Variants in CUEDC2 observed in about 807,000 individuals in gnomAD.
The protein encoded by CUEDC2 is CUE domain containing 2, also known as CUE domain-containing protein 2.
A neutral mutation model predicts 36.0 loss-of-function variants in CUEDC2; 10 were observed. The observed-to-expected ratio is 0.28, with a 90% CI of 0.17 to 0.47. The LOEUF is 0.47. Ranked by LOEUF, CUEDC2 falls within the 20% of genes least tolerant of loss-of-function variation. CUEDC2 has a pLI of 0.99. For missense variants in CUEDC2, 269 were observed against 368.1 expected (o/e 0.73, Z 2.20); for synonymous variants, 133 against 141.8 (o/e 0.94, Z 0.44).
Position 102,424,104 on chromosome 10 carries a change from C to G in CUEDC2, c.486G>C (p.Glu162Asp). ...LLEVFPTCSV[E>D]QAQWVLAKAR... is the part of the protein sequence containing the mutation. The stretch of plus-strand genomic sequence containing the variant: ...CTTTGGCCAGCACCCACTGGGCCTG[C>G]TCCACCGAACAGGTAGGGAACACCT... Residue 162 changes from glutamate (E) to aspartate (D), a missense_variant, in exon 6 of 9, where the codon GAG becomes GAC. Physicochemically the swap from Glu to Asp is conservative, Grantham distance 45 (BLOSUM62 2). Coordinates refer to ENST00000369937, the MANE Select transcript of CUEDC2 (RefSeq NM_024040.3). This position sits in a 1 kb window ranked among gnomAD's most constrained non-coding sequence, Gnocchi z 4.2. The G allele has an allele frequency of 1.2e-6, 2 of 1,614,156 alleles. No individual in the cohort carries two copies. The highest frequency in any genetic ancestry group is 8.5e-7 in the Non-Finnish European group (1 of 1,180,012).
chr10:102,425,852 C>A (rs759620867), intron 1 of CUEDC2, among the ~76,000 whole-genome samples: 7 of 152,078 alleles, frequency 4.6e-5, no homozygotes, highest in Admixed American at 1.3e-4. Flanking sequence ...CCTCCCCAGT[C>A]CCTCCTCCCT....
In CUEDC2 at chr10:102,424,630, G is replaced by C. The variant is rs1366749325; in HGVS notation, c.218+19C>G. The C allele has an allele frequency of 3.1e-6, 5 of 1,614,038 alleles. No individual in the cohort carries two copies. In the African/African-American group the frequency reaches 6.7e-5, roughly 22 times the overall value. On this transcript the variant is annotated intron_variant, in intron 3 of 8. Coordinates refer to ENST00000369937, the MANE Select transcript of CUEDC2 (RefSeq NM_024040.3). The surrounding 1 kb of genome is among the most constrained non-coding windows in gnomAD (Gnocchi z 4.2). ...AATCAGCCAGCCCCTTCCTCCTCCT[G>C]GCCCTAGCCAGAACCTACCTGGGGA...
rs1044476 is a variant in CUEDC2 at position 102,424,324 on chromosome 10, G to A, written c.351C>T (p.Pro117=). Residue 117 remains proline, a synonymous_variant, in exon 5 of 9, where the codon CCC becomes CCT. Coordinates refer to ENST00000369937, the MANE Select transcript of CUEDC2 (RefSeq NM_024040.3). This position sits in a 1 kb window ranked among gnomAD's most constrained non-coding sequence, Gnocchi z 4.2. The stretch of plus-strand genomic sequence containing the variant: ...ACCTAGTCTCTTCTTTGAGCATTTC[G>A]GGCCGCTGCAGGGGCTCTGGGGAGA... ...VPISPEPLQR[P]EMLKEETRSS... is the part of the protein sequence containing the mutation. 177,765 of 1,613,980 alleles carry A rather than the reference G, an allele frequency of 0.11. 10,582 individuals are homozygous for A. Among genetic ancestry groups the A allele is most frequent in the Middle Eastern group, 0.21 (1,275 of 6,060 alleles).
At chr10:102,427,271 C>T (rs947994890) in intron 1 of CUEDC2, among the ~76,000 whole-genome samples, 7 of 152,206 alleles carry the variant, frequency 4.6e-5, no homozygotes, top group African/African-American at 1.2e-4. Flanking sequence ...CTCACTGCAG[C>T]GCTCTCTCTC....
In CUEDC2 at chr10:102,424,881, A is replaced by G; in HGVS notation, c.75-89T>C. ...TCCTGAGACTCCAGCCCTCAGCTTCATGGGGTCTATGAGCTAGACCTTTAT... is the reference window on the plus strand; with the variant it reads ...TCCTGAGACTCCAGCCCTCAGCTTCGTGGGGTCTATGAGCTAGACCTTTAT... On this transcript the variant is annotated intron_variant, in intron 2 of 8. Coordinates refer to ENST00000369937, the MANE Select transcript of CUEDC2 (RefSeq NM_024040.3). This position sits in a 1 kb window ranked among gnomAD's most constrained non-coding sequence, Gnocchi z 4.2. 7.2e-7 allele frequency: 1 copy of G among 1,380,820 alleles called. No homozygotes were observed. The highest frequency in any genetic ancestry group is 1.3e-5 in the South Asian group (1 of 80,000). The allele number at this position is 1,380,820 out of a possible 1,614,324, so 85.5% of individuals were successfully genotyped here.
chr10:102,424,271 T>C lies in CUEDC2; in HGVS notation c.404A>G (p.Gln135Arg). The change falls in exon 5 of 9, where the codon CAA becomes CGA. Residue 135 changes from glutamine (Q) to arginine (R), a missense_variant. Transcript: ENST00000369937. This position sits in a 1 kb window ranked among gnomAD's most constrained non-coding sequence, Gnocchi z 4.2. The stretch of plus-strand genomic sequence containing the variant: ...ACCCTCCTCTACCAGTACCTCATCT[T>C]GGGTGTCTGCAGCAGCAGCAGCCGA... ...RSSAAAAADT[Q>R]DEATGAEEEL... 3.1e-6 allele frequency: 5 copies of C among 1,613,766 alleles called. No individual in the cohort carries two copies. Among genetic ancestry groups the C allele is most frequent in the Non-Finnish European group, 4.2e-6 (5 of 1,179,818 alleles).
Position 102,428,599 on chromosome 10 carries a change from C to T in CUEDC2, c.-10-3401G>A, listed in dbSNP as rs565621309. On this transcript the variant is annotated intron_variant, in intron 1 of 8. Transcript: ENST00000369937. ...TGGGTCTCATTTTAAAATTCCCTTC[C>T]TTGGCTGGGCACGGTGCCTCATGCC... Among the ~76,000 whole-genome samples, 14 of 152,306 alleles carry T rather than the reference C, an allele frequency of 9.2e-5. No individual in the cohort carries two copies. In the South Asian group the frequency reaches 2.9e-3, roughly 32 times the overall value.
At position 102,424,256 on chromosome 10, in the gene CUEDC2, A is replaced by T. The variant is rs767032550; in HGVS notation, c.411+8T>A. 6.2e-7 allele frequency: 1 copy of T among 1,612,942 alleles called. No homozygotes were observed. Among genetic ancestry groups the T allele is most frequent in the South Asian group, 1.1e-5 (1 of 90,926 alleles). On this transcript the variant is annotated splice_region_variant and intron_variant, in intron 5 of 8. Transcript: ENST00000369937. The surrounding 1 kb of genome is among the most constrained non-coding windows in gnomAD (Gnocchi z 4.2). The stretch of plus-strand genomic sequence containing the variant: ...GGGTCCCTCATCGGTACCCTCCTCT[A>T]CCAGTACCTCATCTTGGGTGTCTGC...
At chr10:102,429,498 T>A (rs1478203583) in intron 1 of CUEDC2, among the ~76,000 whole-genome samples, 1 of 151,448 alleles carries the variant, frequency 6.6e-6, no homozygotes, top group Non-Finnish European at 1.5e-5. Flanking sequence ...GGCTACCTTC[T>A]ATGCTTACAG....
chr10:102,424,336 G>A lies in CUEDC2; in HGVS notation c.339C>T (p.Pro113=). The A allele has an allele frequency of 4.3e-6, 7 of 1,614,178 alleles. No homozygotes were observed. Among genetic ancestry groups the A allele is most frequent in the Non-Finnish European group, 5.9e-6 (7 of 1,180,022 alleles). Residue 113 remains proline, a synonymous_variant, in exon 5 of 9, where the codon CCC becomes CCT. Coordinates refer to ENST00000369937, the MANE Select transcript of CUEDC2 (RefSeq NM_024040.3). This position sits in a 1 kb window ranked among gnomAD's most constrained non-coding sequence, Gnocchi z 4.2. Reference sequence around the variant, plus strand: ...CTTTGAGCATTTCGGGCCGCTGCAGGGGCTCTGGGGAGATGGGCACCTGAC... The same window carrying A: ...CTTTGAGCATTTCGGGCCGCTGCAGAGGCTCTGGGGAGATGGGCACCTGAC... ...VQGQVPISPE[P]LQRPEMLKEE... is the part of the protein sequence containing the mutation.
At chr10:102,427,459 T>C (rs1475622583) in intron 1 of CUEDC2, among the ~76,000 whole-genome samples, 1 of 152,204 alleles carries the variant, frequency 6.6e-6, no homozygotes, top group East Asian at 1.9e-4. Flanking sequence ...CCCAAACTAA[T>C]GTTCTCTCAA....
chr10:102,427,274 T>G (rs573379772), intron 1 of CUEDC2, among the ~76,000 whole-genome samples: 4 of 151,700 alleles, frequency 2.6e-5, no homozygotes, highest in Admixed American at 1.3e-4. Flanking sequence ...ACTGCAGCGC[T>G]CTCTCTCTCT....
chr10:102,424,982 G>T lies in CUEDC2; in HGVS notation c.74+133C>A. 1 of 950,120 alleles carries T rather than the reference G, an allele frequency of 1.1e-6. No individual in the cohort carries two copies. Among genetic ancestry groups the T allele is most frequent in the Non-Finnish European group, 1.6e-6 (1 of 620,648 alleles). The allele number at this position is 950,120 out of a possible 1,614,324, so 58.9% of individuals were successfully genotyped here. A position where few individuals can be genotyped will look rare whatever the true frequency, so the allele number is the denominator to read the frequency against. On this transcript the variant is annotated intron_variant, in intron 2 of 8. Coordinates refer to ENST00000369937, the MANE Select transcript of CUEDC2 (RefSeq NM_024040.3). The surrounding 1 kb of genome is among the most constrained non-coding windows in gnomAD (Gnocchi z 4.2). The stretch of plus-strand genomic sequence containing the variant: ...CTGCCCAACAAAGGTGACAGGGACA[G>T]GATGAGAGGTAAGGCCTCTCAGCAA...
At chr10:102,426,640 T>C (rs1276858664) in intron 1 of CUEDC2, among the ~76,000 whole-genome samples, 1 of 152,170 alleles carries the variant, frequency 6.6e-6, no homozygotes, top group Non-Finnish European at 1.5e-5. Flanking sequence ...TTTCTTCTTT[T>C]TCTTTTTTTT....
rs1323936845 is a variant in CUEDC2 at position 102,429,866 on chromosome 10, C to CTGGAG, written c.-11+2655_-11+2659dup. Among the ~76,000 whole-genome samples the CTGGAG allele has an allele frequency of 9.5e-5, 14 of 147,986 alleles. No individual in the cohort carries two copies. The East Asian group carries it at 2.8e-3, about 29-fold the overall frequency. On this transcript the variant is annotated intron_variant, in intron 1 of 8. Transcript: ENST00000369937. The stretch of plus-strand genomic sequence containing the variant: ...CGGAGTTTCGCTCTTGTTGCCCAGG[C>CTGGAG]TGGAGTGCAATGGTGTGAACCTGAC...
intron 1 of CUEDC2, among the ~76,000 whole-genome samples, chr10:102,427,891 CT>C (rs2061603467): frequency 6.6e-6 from 1 of 152,166 alleles, no homozygotes; most frequent in African/African-American, 2.4e-5. Context: ...TGCACCATAC[CT>C]TCCTGGATCA....
intron 1 of CUEDC2, among the ~76,000 whole-genome samples, chr10:102,426,506 T>G (rs552409146): frequency 6.6e-5 from 10 of 152,324 alleles, no homozygotes; most frequent in African/African-American, 2.4e-4. Context: ...GATTTTGCCC[T>G]CTTTCACCCC....
At chr10:102,430,138 T>TTA (rs1040135546) in intron 1 of CUEDC2, among the ~76,000 whole-genome samples, 8 of 113,096 alleles carry the variant, frequency 7.1e-5, no homozygotes, top group African/African-American at 2.6e-4. Flanking sequence ...TTTCTTTTTT[T>TTA]TTTTTTAATT....
rs1007018412 is a variant in CUEDC2 at position 102,424,892 on chromosome 10, G to A, written c.75-100C>T. Reference sequence around the variant, plus strand: ...CAGCCCTCAGCTTCATGGGGTCTATGAGCTAGACCTTTATCTTTAAGGCCA... The same window carrying A: ...CAGCCCTCAGCTTCATGGGGTCTATAAGCTAGACCTTTATCTTTAAGGCCA... On this transcript the variant is annotated intron_variant, in intron 2 of 8. Coordinates refer to ENST00000369937, the MANE Select transcript of CUEDC2 (RefSeq NM_024040.3). The surrounding 1 kb of genome is among the most constrained non-coding windows in gnomAD (Gnocchi z 4.2). The A allele has an allele frequency of 3.9e-6, 5 of 1,284,154 alleles. No homozygotes were observed. The highest frequency in any genetic ancestry group is 1.5e-5 in the African/African-American group (1 of 67,520). The allele number at this position is 1,284,154 out of a possible 1,614,324, so 79.5% of individuals were successfully genotyped here.
Sources: allele counts gnomAD v4.1 joint callset (sites outside exome capture counted in the v4.1 genomes callset), GRCh38; gene constraint gnomAD v4.1.1; non-coding constraint Gnocchi (gnomAD v3.1); transcripts MANE v1.5; gene names NCBI Gene and HGNC (gene_info 2026-07-23, HGNC 2026-07-21).